PRKAB1: variants seen among roughly 807,000 people sequenced by gnomAD.
PRKAB1 encodes 5'-AMP-activated protein kinase subunit beta-1.
A neutral mutation model predicts 32.0 loss-of-function variants in PRKAB1; 18 were observed. The ratio of observed to expected loss-of-function variants is 0.56; its 90% CI spans 0.39 to 0.83. The LOEUF (loss-of-function observed/expected upper bound fraction) is 0.83. Among genes scored for constraint, PRKAB1 ranks in the 40% least tolerant of loss-of-function variants. The pLI is 0.00. For missense variants in PRKAB1, 263 were observed against 352.6 expected (o/e 0.75, Z 2.03); for synonymous variants, 141 against 141.4 (o/e 1.00, Z 0.02).
At chr12:119,668,933 C>T (rs542387145) in intron 1 of PRKAB1, among the ~76,000 whole-genome samples, 4 of 152,152 alleles carry the variant, frequency 2.6e-5, no homozygotes, top group Non-Finnish European at 5.9e-5. Context: ...TTTGATTCAC[C>T]CTACTTATTT....
Position 119,668,434 on chromosome 12 carries a change from C to T in PRKAB1, c.159+31C>T, listed in dbSNP as rs774014137. 13 of 1,608,126 alleles carry T rather than the reference C, an allele frequency of 8.1e-6. No homozygotes were observed. In the South Asian group the frequency reaches 1.2e-4, roughly 15 times the overall value. On this transcript the variant is annotated intron_variant, in intron 1 of 6. Coordinates refer to ENST00000229328, the MANE Select transcript of PRKAB1 (RefSeq NM_006253.5). Reference sequence around the variant, plus strand: ...AGCGGTGTGGAGGAACCCGATTCCCCTTGACTAATGTTGAGGAGAGGAACC... The same window carrying T: ...AGCGGTGTGGAGGAACCCGATTCCCTTTGACTAATGTTGAGGAGAGGAACC...
At chr12:119,672,197 C>A in intron 1 of PRKAB1, 104 bp from the exon 2 acceptor site, 1 of 1,230,958 alleles carries the variant, frequency 8.1e-7, no homozygotes, top group Non-Finnish European at 1.1e-6. Flanking sequence ...CGATCCTAAC[C>A]ATGAACCAAG....
intron 2 of PRKAB1, 144 bp downstream of exon 2, chr12:119,672,608 T>TG: frequency 1.1e-6 from 1 of 884,278 alleles, no homozygotes; most frequent in Non-Finnish European, 1.6e-6. Flanking sequence ...AGTCTTAAGG[T>TG]TCAAATGTTA....
chr12:119,668,817 T>C (rs1955360954), intron 1 of PRKAB1, among the ~76,000 whole-genome samples: 1 of 152,204 alleles, frequency 6.6e-6, no homozygotes, highest in African/African-American at 2.4e-5. Context: ...AAAAGTTAGT[T>C]TGGGAATTTA....
In PRKAB1 at chr12:119,681,061, A is replaced by G. The variant is rs895174871; in HGVS notation, c.*736A>G. ...ATCTGTTCTCAGAACAGACTTTTCA[A>G]CCTGCTGCCGGATTTCTCCATTCAG... On this transcript the variant is annotated 3_prime_UTR_variant, in exon 7 of 7. Coordinates refer to ENST00000229328, the MANE Select transcript of PRKAB1 (RefSeq NM_006253.5). 5 of 152,580 alleles carry G rather than the reference A, an allele frequency of 3.3e-5. No homozygotes were observed. Among genetic ancestry groups the G allele is most frequent in the Admixed American group, 1.3e-4 (2 of 15,280 alleles). 9.5% of individuals were successfully genotyped at this position (152,580 alleles called of 1,614,324 possible).
At chr12:119,671,175 T>G (rs1955385545) in intron 1 of PRKAB1, among the ~76,000 whole-genome samples, 1 of 152,252 alleles carries the variant, frequency 6.6e-6, no homozygotes, top group African/African-American at 2.4e-5. Context: ...ACTTTGTGAG[T>G]AGTTTTTCCC....
intron 4 of PRKAB1, among the ~76,000 whole-genome samples, chr12:119,676,001 G>A (rs1457413826): frequency 1.3e-5 from 2 of 152,226 alleles, no homozygotes; most frequent in Non-Finnish European, 2.9e-5. Flanking sequence ...GTGTAATGGA[G>A]TTAAAGAGCC....
At chr12:119,675,549 G>A (rs1284608242) in intron 4 of PRKAB1, among the ~76,000 whole-genome samples, 1 of 152,164 alleles carries the variant, frequency 6.6e-6, no homozygotes, top group African/African-American at 2.4e-5. Context: ...CCACTTACAA[G>A]CTTTTTAGTC....
At position 119,674,198 on chromosome 12, in the gene PRKAB1, T is replaced by G. The variant is rs565209222; in HGVS notation, c.417+141T>G. On this transcript the variant is annotated intron_variant, in intron 3 of 6. Transcript: ENST00000229328. This position sits in a 1 kb window ranked among gnomAD's most constrained non-coding sequence, Gnocchi z 4.3. ...CAGAGCTGAGTAGCAGCACTACCTGTCAGACAGTTGGCATACTTGACCAAG... is the reference window on the plus strand; with the variant it reads ...CAGAGCTGAGTAGCAGCACTACCTGGCAGACAGTTGGCATACTTGACCAAG... 2.7e-5 allele frequency: 27 copies of G among 1,010,504 alleles called. No homozygotes were observed. In the South Asian group the frequency reaches 3.6e-4, roughly 14 times the overall value. The allele number at this position is 1,010,504 out of a possible 1,614,324, so 62.6% of individuals were successfully genotyped here. A position where few individuals can be genotyped will look rare whatever the true frequency, so the allele number is the denominator to read the frequency against.
rs759585076 is a variant in PRKAB1 at position 119,674,480 on chromosome 12, C to T, written c.532+26C>T. On this transcript the variant is annotated intron_variant, in intron 4 of 6. Coordinates refer to ENST00000229328, the MANE Select transcript of PRKAB1 (RefSeq NM_006253.5). This position sits in a 1 kb window ranked among gnomAD's most constrained non-coding sequence, Gnocchi z 4.3. ...GTATGAACACAGTTATTTTATACCA[C>T]ATGCGTGCAGGTGGGGGCTGTACAG... 6.6e-7 allele frequency: 1 copy of T among 1,520,776 alleles called. No individual in the cohort carries two copies. The allele number at this position is 1,520,776 out of a possible 1,614,324, so 94.2% of individuals were successfully genotyped here.
intron 2 of PRKAB1, 114 bp from the exon 3 acceptor site, chr12:119,673,850 T>C (rs899000923): frequency 3.8e-6 from 3 of 795,412 alleles, no homozygotes; most frequent in Admixed American, 2.6e-5. Context: ...TTTGTTCTCC[T>C]GCAGCTGAAC....
intron 5 of PRKAB1, 88 bp downstream of exon 5, chr12:119,676,758 G>C: frequency 6.7e-7 from 1 of 1,494,150 alleles, no homozygotes; most frequent in Non-Finnish European, 9.1e-7. Flanking sequence ...CAAAGCAGCT[G>C]GTGAGCAAGC....
intron 1 of PRKAB1, 98 bp downstream of exon 1, chr12:119,668,501 A>C: frequency 2.1e-6 from 3 of 1,457,272 alleles, no homozygotes; most frequent in Non-Finnish European, 2.8e-6. Flanking sequence ...AAACACCAGA[A>C]CGGAGAGGGA....
At chr12:119,671,598 C>G (rs1386536134) in intron 1 of PRKAB1, 1 of 294,466 alleles carries the variant, frequency 3.4e-6, no homozygotes, top group African/African-American at 2.2e-5. Context: ...ATGGGGAAAC[C>G]GCCCCCATGA....
At chr12:119,678,348 A>G (rs908398858) in intron 5 of PRKAB1, 1 of 152,238 alleles carries the variant, frequency 6.6e-6, no homozygotes, top group Non-Finnish European at 1.5e-5. Flanking sequence ...TATTACCCCC[A>G]TTTTAGGGAT....
At chr12:119,673,327 T>C (rs572100565) in intron 2 of PRKAB1, among the ~76,000 whole-genome samples, 2 of 152,340 alleles carry the variant, frequency 1.3e-5, no homozygotes, top group South Asian at 4.1e-4. Flanking sequence ...CTGTCTTAAG[T>C]TGTCAGTGAG....
rs1314354050 is a variant in PRKAB1, at chr12:119,674,324, A to G, written c.418-16A>G. Reference sequence around the variant, plus strand: ...ACCTTCCACGTTATGATTTCTGCCTATCTGTCTCTTCCCAGCCCATAGTAA... The same window carrying G: ...ACCTTCCACGTTATGATTTCTGCCTGTCTGTCTCTTCCCAGCCCATAGTAA... On this transcript the variant is annotated splice_polypyrimidine_tract_variant and intron_variant, in intron 3 of 6. Transcript: ENST00000229328. This position sits in a 1 kb window ranked among gnomAD's most constrained non-coding sequence, Gnocchi z 4.3. 1.3e-6 allele frequency: 2 copies of G among 1,575,108 alleles called. No homozygotes were observed. Among genetic ancestry groups the G allele is most frequent in the African/African-American group, 1.3e-5 (1 of 74,170 alleles).
chr12:119,668,240 C>G lies in PRKAB1; in HGVS notation c.-5C>G, dbSNP rs760667193. The G allele has an allele frequency of 1.9e-6, 3 of 1,583,264 alleles. No individual in the cohort carries two copies. On this transcript the variant is annotated 5_prime_UTR_variant, in exon 1 of 7. Coordinates refer to ENST00000229328, the MANE Select transcript of PRKAB1 (RefSeq NM_006253.5). The stretch of plus-strand genomic sequence containing the variant: ...GCCTTCCCTGTGTCCCCGCAGACCC[C>G]CATCATGGGCAATACCAGCAGTGAG...
In PRKAB1 at chr12:119,668,217, C is replaced by A; in HGVS notation, c.-28C>A. Reference sequence around the variant, plus strand: ...TTTCCTGCAGTGAGGCGCCGTCCGCCTTCCCTGTGTCCCCGCAGACCCCCA... The same window carrying A: ...TTTCCTGCAGTGAGGCGCCGTCCGCATTCCCTGTGTCCCCGCAGACCCCCA... On this transcript the variant is annotated 5_prime_UTR_variant, in exon 1 of 7. Coordinates refer to ENST00000229328, the MANE Select transcript of PRKAB1 (RefSeq NM_006253.5). The A allele has an allele frequency of 6.5e-7, 1 of 1,547,556 alleles. No individual in the cohort carries two copies. Among genetic ancestry groups the A allele is most frequent in the African/African-American group, 1.4e-5 (1 of 70,668 alleles).
Sources: allele counts gnomAD v4.1 joint callset (sites outside exome capture counted in the v4.1 genomes callset), GRCh38; gene constraint gnomAD v4.1.1; non-coding constraint Gnocchi (gnomAD v3.1); transcripts MANE v1.5; gene names NCBI Gene and HGNC (gene_info 2026-07-23, HGNC 2026-07-21).